Variants in THSD7A observed in about 807,000 individuals in gnomAD.
THSD7A encodes the protein thrombospondin type-1 domain-containing protein 7A.
THSD7A carries 96 observed loss-of-function variants against 231.3 expected under a neutral mutation model. The observed-to-expected ratio is 0.41, with a 90% CI of 0.35 to 0.49. The LOEUF (loss-of-function observed/expected upper bound fraction) is 0.49, where lower values mean the gene tolerates loss of function less well. Ranked by LOEUF, THSD7A falls within the 20% of genes least tolerant of loss-of-function variation. The pLI, the probability that THSD7A is intolerant of heterozygous loss-of-function variation, is 0.05. For synonymous variants in THSD7A, 940 were observed against 743.3 expected, an observed-to-expected ratio of 1.26 and a Z score of -4.30; for missense variants, 2,290 against 2,070.2, an observed-to-expected ratio of 1.11 and a Z score of -2.06.
Position 11,509,833 on chromosome 7 carries a change from A to AAAT in THSD7A, c.1823-27852_1823-27851insATT, listed in dbSNP as rs1191355876. Among the ~76,000 whole-genome samples the AAAT allele has an allele frequency of 9.5e-5, 14 of 147,360 alleles. 2 individuals carry two copies. The East Asian group carries it at 1.6e-3, about 16-fold the overall frequency. On this transcript the variant is annotated intron_variant, in intron 6 of 27. Coordinates refer to ENST00000423059, the MANE Select transcript of THSD7A (RefSeq NM_015204.3). ...CCAGAGTCCGTCTCAAAAAAAAAAA[A>AAAT]AAATAACATCTGAAGAATCAAAAAT... is the stretch of plus-strand genomic sequence containing the variant.
intron 6 of THSD7A, among the ~76,000 whole-genome samples, chr7:11,494,781 C>G (rs773648477): frequency 6.6e-6 from 1 of 151,954 alleles, no homozygotes; most frequent in Admixed American, 6.6e-5. Flanking sequence ...CTTCCAGGCA[C>G]GAGCATTCTT....
At chr7:11,437,156 C>A (rs1435874584) in intron 13 of THSD7A, among the ~76,000 whole-genome samples, 3 of 152,044 alleles carry the variant, frequency 2.0e-5, no homozygotes, top group Non-Finnish European at 2.9e-5. Context: ...CTGGGAAACC[C>A]AGTTTGAAAA....
intron 1 of THSD7A, among the ~76,000 whole-genome samples, chr7:11,720,786 C>T (rs1375232465): frequency 1.3e-5 from 2 of 151,722 alleles, no homozygotes; most frequent in African/African-American, 4.8e-5. Context: ...TGTTAGACAT[C>T]TTCACAACTG....
intron 22 of THSD7A, among the ~76,000 whole-genome samples, chr7:11,403,951 G>T (rs1392349161): frequency 6.6e-6 from 1 of 152,012 alleles, no homozygotes; most frequent in Non-Finnish European, 1.5e-5. Flanking sequence ...TTCACATACT[G>T]CCAGCTTTCA....
At chr7:11,613,784 C>T (rs983412430) in intron 2 of THSD7A, among the ~76,000 whole-genome samples, 4 of 152,126 alleles carry the variant, frequency 2.6e-5, no homozygotes, top group Admixed American at 2.6e-4. Flanking sequence ...ACTCTTTTGT[C>T]CTAGAAGGGG....
intron 1 of THSD7A, among the ~76,000 whole-genome samples, chr7:11,675,999 A>T (rs1029506430): frequency 6.6e-6 from 1 of 152,146 alleles, no homozygotes; most frequent in African/African-American, 2.4e-5. Context: ...GTTGACAGAC[A>T]CCTCATACAA....
At chr7:11,519,023 T>C (rs962021562) in intron 6 of THSD7A, among the ~76,000 whole-genome samples, 4 of 152,246 alleles carry the variant, frequency 2.6e-5, no homozygotes, top group East Asian at 3.8e-4. Flanking sequence ...AAATAACTTA[T>C]GGGCTTTGGA....
chr7:11,509,602 G>A (rs1349779551), intron 6 of THSD7A, among the ~76,000 whole-genome samples: 1 of 151,712 alleles, frequency 6.6e-6, no homozygotes, highest in African/African-American at 2.4e-5. Flanking sequence ...GGAGGCCGAG[G>A]CGGGTGGATC....
chr7:11,636,450 G>T lies in THSD7A; in HGVS notation c.702C>A (p.Asn234Lys). ...ATTGGCACACCTGGAACTCCGTCAGGTTTGGACAGCCAGAGCCTCCGAACT... is the reference window on the plus strand; with the variant it reads ...ATTGGCACACCTGGAACTCCGTCAGTTTTGGACAGCCAGAGCCTCCGAACT... The part of the protein sequence containing the change: ...PPQFGGSGCP[N>K]LTEFQVCQSS... Residue 234 changes from asparagine to lysine, a missense_variant, in exon 2 of 28, where the codon AAC becomes AAA. Physicochemically the swap from Asn to Lys is moderately conservative, Grantham distance 94. Transcript: ENST00000423059. The surrounding 1 kb of genome is among the most constrained non-coding windows in gnomAD (Gnocchi z 10.0). The T allele has an allele frequency of 3.1e-6, 5 of 1,613,658 alleles. No individual in the cohort carries two copies. Among genetic ancestry groups the T allele is most frequent in the Non-Finnish European group, 4.2e-6 (5 of 1,179,820 alleles).
chr7:11,637,408 A>G lies in THSD7A; in HGVS notation c.191-447T>C, dbSNP rs775207510. Reference sequence around the variant, plus strand: ...CATTTCTCTTCCTGGACAGTTAACTATTTTGTGGAACTTGCTCTCTTCTTC... The same window carrying G: ...CATTTCTCTTCCTGGACAGTTAACTGTTTTGTGGAACTTGCTCTCTTCTTC... On this transcript the variant is annotated intron_variant, in intron 1 of 27. Transcript: ENST00000423059. The surrounding 1 kb of genome is among the most constrained non-coding windows in gnomAD (Gnocchi z 4.2). Among the ~76,000 whole-genome samples the G allele has an allele frequency of 1.3e-5, 2 of 152,196 alleles. No individual in the cohort carries two copies. Among genetic ancestry groups the G allele is most frequent in the Admixed American group, 6.5e-5 (1 of 15,276 alleles).
chr7:11,602,649 G>A (rs1403536229), intron 2 of THSD7A, among the ~76,000 whole-genome samples: 1 of 151,878 alleles, frequency 6.6e-6, no homozygotes, highest in Non-Finnish European at 1.5e-5. Flanking sequence ...TTTTGGGTGA[G>A]CAGTGAAAAT....
intron 1 of THSD7A, among the ~76,000 whole-genome samples, chr7:11,686,312 C>T (rs1363000032): frequency 6.6e-6 from 1 of 151,786 alleles, no homozygotes; most frequent in Non-Finnish European, 1.5e-5. Flanking sequence ...CTGTAATAAA[C>T]CCACACATGT....
intron 1 of THSD7A, among the ~76,000 whole-genome samples, chr7:11,691,583 TATA>T (rs1476768973): frequency 1.3e-5 from 2 of 151,610 alleles, no homozygotes; most frequent in African/African-American, 4.8e-5. Context: ...TTCTCTATCT[TATA>T]ATATCTATAT....
In THSD7A at chr7:11,470,008, G is replaced by A; in HGVS notation, c.2253-14C>T. ...CTTTCAGGACATCTAGAAAGGCAAA[G>A]GGGAATTATTAGGCTTCAATAGTAA... On this transcript the variant is annotated splice_polypyrimidine_tract_variant and intron_variant, in intron 8 of 27. Transcript: ENST00000423059. The A allele has an allele frequency of 1.3e-6, 2 of 1,515,910 alleles. No homozygotes were observed. The highest frequency in any genetic ancestry group is 1.8e-6 in the Non-Finnish European group (2 of 1,106,828). The allele number at this position is 1,515,910 out of a possible 1,614,324, so 93.9% of individuals were successfully genotyped here.
chr7:11,663,370 G>A (rs1783006190), intron 1 of THSD7A, among the ~76,000 whole-genome samples: 1 of 151,628 alleles, frequency 6.6e-6, no homozygotes, highest in Middle Eastern at 3.4e-3. Flanking sequence ...ATGAAAACAT[G>A]TCTGCAAGGA....
chr7:11,437,593 C>G (rs7807165), intron 13 of THSD7A, among the ~76,000 whole-genome samples: 1 of 151,880 alleles, frequency 6.6e-6, no homozygotes, highest in African/African-American at 2.4e-5. Flanking sequence ...ATCTGAAATG[C>G]ATTAGACATT....
At chr7:11,506,255 T>C (rs1036432779) in intron 6 of THSD7A, among the ~76,000 whole-genome samples, 2 of 152,178 alleles carry the variant, frequency 1.3e-5, no homozygotes, top group African/African-American at 4.8e-5. Context: ...CCTCCTAAAA[T>C]GCTGGGATTT....
chr7:11,518,928 A>G (rs62435237), intron 6 of THSD7A, among the ~76,000 whole-genome samples: 3,816 of 152,306 alleles, frequency 0.025, 65 homozygotes, highest in Non-Finnish European at 0.039. Flanking sequence ...CTATTTATTA[A>G]TATAGACTAC....
chr7:11,382,953 C>T (rs1171316029), intron 23 of THSD7A, among the ~76,000 whole-genome samples: 2 of 150,414 alleles, frequency 1.3e-5, no homozygotes, highest in African/African-American at 4.9e-5. Flanking sequence ...TCCCATCATG[C>T]AATTTTAACA....
Sources: allele counts gnomAD v4.1 joint callset (sites outside exome capture counted in the v4.1 genomes callset), GRCh38; gene constraint gnomAD v4.1.1; non-coding constraint Gnocchi (gnomAD v3.1); transcripts MANE v1.5; gene names NCBI Gene and HGNC (gene_info 2026-07-23, HGNC 2026-07-21).